The following LSAMP variants were observed in gnomAD, a reference collection of about 807,000 sequenced individuals.
LSAMP encodes the protein limbic system-associated membrane protein.
A neutral mutation model predicts 38.6 loss-of-function variants in LSAMP; 7 were observed. The ratio of observed to expected loss-of-function variants is 0.18; its 90% CI spans 0.10 to 0.34. The LOEUF is 0.34. Among genes scored for constraint, LSAMP ranks in the 10% least tolerant of loss-of-function variants. The probability of loss-of-function intolerance (pLI) is 1.00; values close to 1 mark genes in which losing one functional copy is unlikely to be tolerated. For missense variants in LSAMP, 313 were observed against 420.0 expected (o/e 0.75, Z 2.23); for synonymous variants, 154 against 166.8 (o/e 0.92, Z 0.59).
intron 1 of LSAMP, among the ~76,000 whole-genome samples, chr3:116,410,165 C>T (rs767267372): frequency 2.0e-5 from 3 of 152,038 alleles, no homozygotes; most frequent in Admixed American, 6.6e-5. Context: ...CTATATAGCA[C>T]CTCAATCACG....
At chr3:116,055,076 T>C (rs1941463931) in intron 2 of LSAMP, among the ~76,000 whole-genome samples, 1 of 152,150 alleles carries the variant, frequency 6.6e-6, no homozygotes, top group South Asian at 2.1e-4. Context: ...AACACCCTAT[T>C]TTGTCCCTGA....
rs1351648417 is a variant in LSAMP at position 116,278,962 on chromosome 3, T to C, written c.155+165915A>G. Among the ~76,000 whole-genome samples the C allele has an allele frequency of 2.6e-5, 4 of 152,218 alleles. No individual in the cohort carries two copies. The South Asian group carries it at 6.2e-4, about 24-fold the overall frequency. ...CTATTCTGCTAGTGCCCTGGGAGAA[T>C]ACATATGTAGCTTCATTCTATAAAA... On this transcript the variant is annotated intron_variant, in intron 1 of 6. Transcript: ENST00000490035.
At chr3:116,065,344 C>G (rs1175045787) in intron 2 of LSAMP, among the ~76,000 whole-genome samples, 1 of 152,126 alleles carries the variant, frequency 6.6e-6, no homozygotes, top group Non-Finnish European at 1.5e-5. Flanking sequence ...ACAGTAATGC[C>G]TCAAAGACAA....
rs546867062 is a variant in LSAMP, at chr3:116,173,802, A to G, written c.156-87246T>C. ...AACATTTTTTTTTTTTTTTTTAACA[A>G]TTGGGAAAGCAATCTCCAGTTTCTC... On this transcript the variant is annotated intron_variant, in intron 1 of 6. Coordinates refer to ENST00000490035, the MANE Select transcript of LSAMP (RefSeq NM_002338.5). 3.3e-5 allele frequency among the ~76,000 whole-genome samples: 5 copies of G among 150,438 alleles called. No individual in the cohort carries two copies. The South Asian group carries it at 1.0e-3, about 31-fold the overall frequency.
At chr3:116,218,737 G>T (rs911473944) in intron 1 of LSAMP, among the ~76,000 whole-genome samples, 1 of 152,170 alleles carries the variant, frequency 6.6e-6, no homozygotes, top group African/African-American at 2.4e-5. Context: ...TTCCTGGGCT[G>T]AAGTGAACCT....
intron 1 of LSAMP, among the ~76,000 whole-genome samples, chr3:116,113,420 AT>A (rs374608044): frequency 2.5e-4 from 13 of 51,022 alleles, no homozygotes; most frequent in African/African-American, 4.8e-4. Flanking sequence ...ATATATATAT[AT>A]TTTTTTTTTT....
At chr3:115,940,619 T>C (rs1295640481) in intron 3 of LSAMP, among the ~76,000 whole-genome samples, 2 of 152,186 alleles carry the variant, frequency 1.3e-5, no homozygotes, top group Non-Finnish European at 2.9e-5. Context: ...TTTCATTCTT[T>C]TATACATGGA....
At chr3:116,025,328 A>G (rs910342762) in intron 2 of LSAMP, among the ~76,000 whole-genome samples, 1 of 152,058 alleles carries the variant, frequency 6.6e-6, no homozygotes, top group African/African-American at 2.4e-5. Flanking sequence ...GATTAATGAG[A>G]GCTACTTATA....
chr3:116,313,754 G>A (rs2047589675), intron 1 of LSAMP, among the ~76,000 whole-genome samples: 1 of 152,216 alleles, frequency 6.6e-6, no homozygotes, highest in African/African-American at 2.4e-5. Flanking sequence ...AGGTGTTTGA[G>A]ACCAGCCTGG....
intron 3 of LSAMP, among the ~76,000 whole-genome samples, chr3:115,904,098 TGTCGAC>T (rs1936949348): frequency 6.6e-6 from 1 of 152,134 alleles, no homozygotes; most frequent in Admixed American, 6.6e-5. Context: ...ATGAATCATC[TGTCGAC>T]GGTAGTCAAA....
At chr3:116,082,420 G>A (rs1707890552) in intron 2 of LSAMP, among the ~76,000 whole-genome samples, 1 of 152,160 alleles carries the variant, frequency 6.6e-6, no homozygotes, top group East Asian at 1.9e-4. Flanking sequence ...TGATTCAGAA[G>A]TTTAGTTCCC....
chr3:115,914,536 C>T (rs1206778013), intron 3 of LSAMP, among the ~76,000 whole-genome samples: 1 of 152,130 alleles, frequency 6.6e-6, no homozygotes, highest in African/African-American at 2.4e-5. Context: ...AGAGTTGAGC[C>T]CAATCTCTCT....
At chr3:116,172,899 G>C (rs1710238202) in intron 1 of LSAMP, among the ~76,000 whole-genome samples, 1 of 151,872 alleles carries the variant, frequency 6.6e-6, no homozygotes, top group Non-Finnish European at 1.5e-5. Flanking sequence ...AAACATAACA[G>C]TTTCCACATC....
At chr3:116,173,362 C>G (rs1710251081) in intron 1 of LSAMP, among the ~76,000 whole-genome samples, 2 of 151,940 alleles carry the variant, frequency 1.3e-5, no homozygotes, top group South Asian at 4.1e-4. Context: ...TAGACCATGG[C>G]CTTTTCAGTT....
At chr3:115,989,811 C>T (rs536385068) in intron 3 of LSAMP, among the ~76,000 whole-genome samples, 8 of 152,046 alleles carry the variant, frequency 5.3e-5, no homozygotes, top group Admixed American at 4.6e-4. Context: ...TTAGCCATTG[C>T]TATTATTAAT....
rs77697478 is a variant in LSAMP, at chr3:115,823,807, A to G, written c.920-13393T>C. On this transcript the variant is annotated intron_variant, in intron 6 of 6. Transcript: ENST00000490035. ...GAGAAGCTAAGATGGGTGAATCCTA[A>G]TTTCCAAAGCAACATGGTCTTAACA... Among the ~76,000 whole-genome samples the G allele has an allele frequency of 3.1e-3, 476 of 152,292 alleles. 24 individuals carry two copies. The East Asian group carries it at 0.084, about 27-fold the overall frequency.
intron 1 of LSAMP, among the ~76,000 whole-genome samples, chr3:116,255,944 TAGTC>T (rs1205807759): frequency 1.3e-4 from 20 of 152,250 alleles, no homozygotes; most frequent in African/African-American, 3.9e-4. Context: ...ATAATGGAAA[TAGTC>T]AGACACCAGT....
chr3:116,300,783 G>T (rs1344734539), intron 1 of LSAMP, among the ~76,000 whole-genome samples: 2 of 151,950 alleles, frequency 1.3e-5, no homozygotes, highest in East Asian at 3.9e-4. Context: ...AAAAGTTTGG[G>T]GATGGCTGAC....
At chr3:116,087,129 G>T (rs532406653) in intron 1 of LSAMP, among the ~76,000 whole-genome samples, 76 of 152,292 alleles carry the variant, frequency 5.0e-4, no homozygotes, top group Non-Finnish European at 9.4e-4. Flanking sequence ...TTATGACAAG[G>T]AAATCAAAGC....
Sources: gnomAD v4.1 joint callset for allele counts (sites outside exome capture counted in the v4.1 genomes callset) on GRCh38, gnomAD v4.1.1 for gene constraint, MANE v1.5 for transcripts, NCBI Gene and HGNC (gene_info 2026-07-23, HGNC 2026-07-21) for gene names.